Variants in MAPK4 observed in about 807,000 individuals in gnomAD.
MAPK4 encodes mitogen-activated protein kinase 4.
A neutral mutation model predicts 47.7 loss-of-function variants in MAPK4; 22 were observed. That is an observed-to-expected ratio of 0.46 (90% CI 0.33 to 0.66). The LOEUF is 0.66. Among genes scored for constraint, MAPK4 ranks in the 30% least tolerant of loss-of-function variants. The probability of loss-of-function intolerance (pLI) is 0.02; values close to 1 mark genes in which losing one functional copy is unlikely to be tolerated. For missense variants in MAPK4, 736 were observed against 831.7 expected (o/e 0.88, Z 1.42); for synonymous variants, 390 against 365.7 (o/e 1.07, Z -0.76).
chr18:50,561,564 T>G (rs116149567), intron 1 of MAPK4, among the ~76,000 whole-genome samples: 2,956 of 152,326 alleles, frequency 0.019, 93 homozygotes, highest in African/African-American at 0.066. Flanking sequence ...GAGCACCTAC[T>G]AAATACTAAA....
Position 50,664,252 on chromosome 18 carries a change from C to T in MAPK4, c.294C>T (p.Phe98=), listed in dbSNP as rs748123352. The T allele has an allele frequency of 1.2e-5, 20 of 1,613,812 alleles. No homozygotes were observed. Among genetic ancestry groups the T allele is most frequent in the Non-Finnish European group, 1.6e-5 (19 of 1,180,010 alleles). ...GTDLQGELFK[F]SVAYIVQEYM... ...ACCTGCAGGGTGAGCTGTTCAAGTT[C>T]AGCGTGGCGTACATCGTCCAGGAGT... The change falls in exon 2 of 6, where the codon TTC becomes TTT. Residue 98 remains phenylalanine (F), a synonymous_variant. Coordinates refer to ENST00000400384, the MANE Select transcript of MAPK4 (RefSeq NM_002747.4). This position sits in a 1 kb window ranked among gnomAD's most constrained non-coding sequence, Gnocchi z 6.0.
chr18:50,590,832 G>C (rs200261174), intron 1 of MAPK4, among the ~76,000 whole-genome samples: 1 of 152,110 alleles, frequency 6.6e-6, no homozygotes. Context: ...TAAGTGTTCC[G>C]CTTGGCTGGT....
chr18:50,671,367 A>T, intron 2 of MAPK4, among the ~76,000 whole-genome samples: 1 of 152,236 alleles, frequency 6.6e-6, no homozygotes, highest in East Asian at 1.9e-4. Context: ...TAGGCTTTTC[A>T]TTCTGGTGTG....
At chr18:50,616,842 C>G (rs146914088) in intron 1 of MAPK4, among the ~76,000 whole-genome samples, 1 of 152,210 alleles carries the variant, frequency 6.6e-6, no homozygotes, top group Non-Finnish European at 1.5e-5. Context: ...CCCAGACTGA[C>G]GGTTCTGCCT....
chr18:50,590,830 C>G (rs924782045), intron 1 of MAPK4, among the ~76,000 whole-genome samples: 1 of 152,082 alleles, frequency 6.6e-6, no homozygotes, highest in Admixed American at 6.5e-5. Context: ...CATAAGTGTT[C>G]CGCTTGGCTG....
intron 2 of MAPK4, among the ~76,000 whole-genome samples, chr18:50,707,456 G>A (rs1194621385): frequency 6.6e-6 from 1 of 151,472 alleles, no homozygotes; most frequent in Non-Finnish European, 1.5e-5. Flanking sequence ...TGTAGTCCCA[G>A]TCACTCTGGG....
chr18:50,699,007 A>G (rs985224530), intron 2 of MAPK4, among the ~76,000 whole-genome samples: 1 of 152,200 alleles, frequency 6.6e-6, no homozygotes, highest in African/African-American at 2.4e-5. Context: ...CCTGGGCAAC[A>G]GAGCAAGACT....
intron 1 of MAPK4, among the ~76,000 whole-genome samples, chr18:50,635,901 T>C (rs988775042): frequency 6.6e-6 from 1 of 152,202 alleles, no homozygotes; most frequent in Non-Finnish European, 1.5e-5. Context: ...CATGGCCTGG[T>C]CCACTATAGT....
chr18:50,572,214 A>G (rs550932193), intron 1 of MAPK4, among the ~76,000 whole-genome samples: 2 of 152,326 alleles, frequency 1.3e-5, no homozygotes, highest in Admixed American at 6.5e-5. Context: ...GCTCCATCAA[A>G]ATGACACAGA....
chr18:50,567,097 CTT>C (rs543572517), intron 1 of MAPK4, among the ~76,000 whole-genome samples: 1 of 142,912 alleles, frequency 7.0e-6, no homozygotes, highest in Admixed American at 7.0e-5. Flanking sequence ...TTTATTGATG[CTT>C]TTTTTTTTTA....
chr18:50,643,948 C>A (rs1438540076), intron 1 of MAPK4, among the ~76,000 whole-genome samples: 1 of 152,030 alleles, frequency 6.6e-6, no homozygotes, highest in Admixed American at 6.5e-5. Context: ...CTGTTCTCTT[C>A]ATCATTATGG....
intron 1 of MAPK4, among the ~76,000 whole-genome samples, chr18:50,621,446 G>C (rs1022859691): frequency 6.6e-6 from 1 of 152,180 alleles, no homozygotes. Context: ...AATGGGACAC[G>C]ATCCTAATGG....
chr18:50,698,626 GC>G (rs1156397796), intron 2 of MAPK4, among the ~76,000 whole-genome samples: 1 of 152,092 alleles, frequency 6.6e-6, no homozygotes, highest in Non-Finnish European at 1.5e-5. Context: ...CTGCATTATA[GC>G]CTTGGTACCA....
At chr18:50,637,601 T>C (rs2042899207) in intron 1 of MAPK4, among the ~76,000 whole-genome samples, 1 of 152,214 alleles carries the variant, frequency 6.6e-6, no homozygotes, top group Non-Finnish European at 1.5e-5. Flanking sequence ...ATACGTAAAA[T>C]AGGAATAATG....
chr18:50,569,589 G>A (rs935344909), intron 1 of MAPK4, among the ~76,000 whole-genome samples: 16 of 152,154 alleles, frequency 1.1e-4, no homozygotes, highest in Admixed American at 4.6e-4. Context: ...TGGGTTCTTA[G>A]TTTCCATTTC....
At chr18:50,565,118 G>T (rs1348281649) in intron 1 of MAPK4, among the ~76,000 whole-genome samples, 1 of 152,210 alleles carries the variant, frequency 6.6e-6, no homozygotes, top group Non-Finnish European at 1.5e-5. Flanking sequence ...TCCTACCTGT[G>T]ACTGATAGGA....
At chr18:50,711,167 C>A (rs1471902677) in intron 2 of MAPK4, among the ~76,000 whole-genome samples, 7 of 152,240 alleles carry the variant, frequency 4.6e-5, no homozygotes. Context: ...TCTCTCTATC[C>A]TTCAGGGGCC....
intron 1 of MAPK4, among the ~76,000 whole-genome samples, chr18:50,620,659 C>G (rs553452051): frequency 5.8e-4 from 88 of 152,210 alleles, no homozygotes; most frequent in African/African-American, 2.0e-3. Context: ...AATCCTAACA[C>G]TTTGGGAGGC....
At chr18:50,646,523 C>T (rs1266282388) in intron 1 of MAPK4, among the ~76,000 whole-genome samples, 1 of 152,202 alleles carries the variant, frequency 6.6e-6, no homozygotes, top group African/African-American at 2.4e-5. Flanking sequence ...CCTGGACCCC[C>T]TGAGCATAGA....
Sources: gnomAD v4.1 joint callset for allele counts (sites outside exome capture counted in the v4.1 genomes callset) on GRCh38, gnomAD v4.1.1 for gene constraint, Gnocchi (gnomAD v3.1) non-coding constraint, MANE v1.5 for transcripts, NCBI Gene and HGNC (gene_info 2026-07-23, HGNC 2026-07-21) for gene names.